The following TEAD1 variants were observed in gnomAD, a reference collection of about 807,000 sequenced individuals.
The protein encoded by TEAD1 is TEA domain transcription factor 1, also known as transcriptional enhancer factor TEF-1.
TEAD1 carries 9 observed loss-of-function variants against 54.9 expected under a neutral mutation model. The ratio of observed to expected loss-of-function variants is 0.16; its 90% CI spans 0.10 to 0.29. The LOEUF is 0.29. TEAD1 is among the 10% of genes least tolerant of loss of function. The pLI is 1.00. For synonymous variants in TEAD1, 200 were observed against 187.8 expected (o/e 1.07, Z -0.53); for missense variants, 387 against 535.9 (o/e 0.72, Z 2.74).
At chr11:12,861,964 C>T (rs1028504986) in intron 3 of TEAD1, among the ~76,000 whole-genome samples, 1 of 146,294 alleles carries the variant, frequency 6.8e-6, no homozygotes, top group East Asian at 2.0e-4. Flanking sequence ...CCAGCCTGGG[C>T]AACAAGAGTG....
At chr11:12,922,949 A>AAAAAAT (rs1948837557) in intron 10 of TEAD1, 1 of 142,568 alleles carries the variant, frequency 7.0e-6, no homozygotes, top group African/African-American at 2.6e-5. Flanking sequence ...AAAAAAAAAA[A>AAAAAAT]GTGCCAAACC....
At chr11:12,764,961 A>G (rs1369122513) in intron 3 of TEAD1, among the ~76,000 whole-genome samples, 2 of 151,088 alleles carry the variant, frequency 1.3e-5, no homozygotes, top group Non-Finnish European at 2.9e-5. Context: ...TACAGGCCAG[A>G]GAAAACATGT....
At chr11:12,675,814 T>C (rs34028389) in intron 2 of TEAD1, among the ~76,000 whole-genome samples, 12,197 of 152,334 alleles carry the variant, frequency 0.08, 685 homozygotes, top group Non-Finnish European at 0.12. Context: ...TCCCCTCTCA[T>C]GAAAATAAAT....
chr11:12,864,628 T>TTTTGG, intron 4 of TEAD1: 1 of 1,091,344 alleles, frequency 9.2e-7, no homozygotes, highest in Non-Finnish European at 1.2e-6. Context: ...TTTTGTTTTG[T>TTTTGG]TTTGTTTTGT....
chr11:12,763,097 T>C (rs1418151725), intron 2 of TEAD1, among the ~76,000 whole-genome samples: 2 of 152,244 alleles, frequency 1.3e-5, no homozygotes, highest in Non-Finnish European at 2.9e-5. Context: ...GATATGTTAG[T>C]GTGCCAGACA....
intron 3 of TEAD1, among the ~76,000 whole-genome samples, chr11:12,773,031 A>G (rs1031773882): frequency 1.3e-5 from 2 of 152,168 alleles, no homozygotes; most frequent in African/African-American, 2.4e-5. Context: ...ATCAGACTAC[A>G]TGAACCTTTT....
At chr11:12,727,713 T>C (rs1269618379) in intron 2 of TEAD1, among the ~76,000 whole-genome samples, 2 of 152,166 alleles carry the variant, frequency 1.3e-5, no homozygotes, top group Non-Finnish European at 2.9e-5. Context: ...ACAGAATGAA[T>C]TACAGAGTGG....
intron 3 of TEAD1, among the ~76,000 whole-genome samples, chr11:12,830,767 C>T (rs1440273): frequency 0.52 from 77,812 of 150,832 alleles, 21,760 homozygotes; most frequent in East Asian, 0.74. Flanking sequence ...TGCACGCACA[C>T]GCACATGCAC....
chr11:12,840,989 G>C (rs1185937846), intron 3 of TEAD1, among the ~76,000 whole-genome samples: 1 of 152,216 alleles, frequency 6.6e-6, no homozygotes, highest in Non-Finnish European at 1.5e-5. Flanking sequence ...CAAGTTATCA[G>C]TTGTAGCTGT....
At chr11:12,776,967 T>C (rs1945436146) in intron 3 of TEAD1, among the ~76,000 whole-genome samples, 1 of 151,832 alleles carries the variant, frequency 6.6e-6, no homozygotes, top group Non-Finnish European at 1.5e-5. Context: ...GCTAATTTTG[T>C]ATTTTAGTAG....
At chr11:12,801,411 C>T (rs1218800777) in intron 3 of TEAD1, among the ~76,000 whole-genome samples, 1 of 152,112 alleles carries the variant, frequency 6.6e-6, no homozygotes, top group Non-Finnish European at 1.5e-5. Flanking sequence ...AGTTTTACCT[C>T]ATCTTAAAGA....
intron 3 of TEAD1, among the ~76,000 whole-genome samples, chr11:12,844,369 A>G (rs1947098085): frequency 6.6e-6 from 1 of 152,214 alleles, no homozygotes; most frequent in African/African-American, 2.4e-5. Flanking sequence ...CGTGTTAGAA[A>G]TTCCTGTTTG....
At chr11:12,721,027 T>G (rs1245650318) in intron 2 of TEAD1, among the ~76,000 whole-genome samples, 4 of 152,230 alleles carry the variant, frequency 2.6e-5, no homozygotes, top group African/African-American at 4.8e-5. Flanking sequence ...TATACTTTCT[T>G]GTATTCTTTT....
chr11:12,701,868 T>C (rs544723329), intron 2 of TEAD1, among the ~76,000 whole-genome samples: 5 of 152,184 alleles, frequency 3.3e-5, no homozygotes, highest in Non-Finnish European at 7.4e-5. Context: ...TGGACTACAC[T>C]GGGCATAAAA....
In TEAD1 at chr11:12,739,206, A is replaced by G. The variant is rs1944598409; in HGVS notation, c.-54-24973A>G. Among the ~76,000 whole-genome samples the G allele has an allele frequency of 3.5e-5, 5 of 142,656 alleles. No individual in the cohort carries two copies. The South Asian group carries it at 1.1e-3, about 33-fold the overall frequency. The allele number at this position is 142,656 out of a possible 152,430, so 93.6% of individuals were successfully genotyped here. ...CTTTGAGGTCTCATTCTTTCTATCTATCTATCTATCTATCTGTCTATCTAT... is the reference window on the plus strand; with the variant it reads ...CTTTGAGGTCTCATTCTTTCTATCTGTCTATCTATCTATCTGTCTATCTAT... On this transcript the variant is annotated intron_variant, in intron 2 of 12. Transcript: ENST00000527636.
intron 2 of TEAD1, among the ~76,000 whole-genome samples, chr11:12,752,942 T>C (rs1944905879): frequency 6.6e-6 from 1 of 151,680 alleles, no homozygotes; most frequent in Non-Finnish European, 1.5e-5. Context: ...TGGGCTCAGG[T>C]GATCCTCCTA....
At chr11:12,676,836 A>ATT (rs1030878097) in intron 2 of TEAD1, among the ~76,000 whole-genome samples, 1 of 152,164 alleles carries the variant, frequency 6.6e-6, no homozygotes, top group African/African-American at 2.4e-5. Context: ...CAATTCTTTT[A>ATT]TTTATTGTTG....
chr11:12,848,389 T>A (rs1008441963), intron 3 of TEAD1, among the ~76,000 whole-genome samples: 2 of 152,200 alleles, frequency 1.3e-5, no homozygotes, highest in African/African-American at 4.8e-5. Flanking sequence ...TTTAAAGTGA[T>A]GTGTGTACAA....
chr11:12,746,935 G>A (rs948180222), intron 2 of TEAD1, among the ~76,000 whole-genome samples: 7 of 152,240 alleles, frequency 4.6e-5, no homozygotes, highest in African/African-American at 1.7e-4. Flanking sequence ...ACCTCAGACT[G>A]TGCGGCTCAG....
Sources: allele counts gnomAD v4.1 joint callset (sites outside exome capture counted in the v4.1 genomes callset), GRCh38; gene constraint gnomAD v4.1.1; transcripts MANE v1.5; gene names NCBI Gene and HGNC (gene_info 2026-07-23, HGNC 2026-07-21).